The following DMD variants were observed in gnomAD, a reference collection of about 807,000 sequenced individuals.
DMD encodes the protein dystrophin.
DMD carries 63 observed loss-of-function variants against 330.1 expected under a neutral mutation model. The ratio of observed to expected loss-of-function variants is 0.19; its 90% CI spans 0.16 to 0.24. The LOEUF (loss-of-function observed/expected upper bound fraction) is 0.24. DMD is among the 10% of genes least tolerant of loss of function. The probability of loss-of-function intolerance (pLI) is 1.00; values close to 1 mark genes in which losing one functional copy is unlikely to be tolerated. For missense variants in DMD, 3,344 were observed against 2,684.1 expected, an observed-to-expected ratio of 1.25 and a Z score of -5.43; for synonymous variants, 1,223 against 959.8, an observed-to-expected ratio of 1.27 and a Z score of -5.07.
At chrX:31,556,973 C>T (rs1002668472) in intron 55 of DMD, among the ~76,000 whole-genome samples, 1 of 112,209 alleles carries the variant, frequency 8.9e-6, no homozygotes, top group Non-Finnish European at 1.9e-5. Context: ...CTGCTAGATA[C>T]TGCAGGGGGC....
chrX:31,700,007 G>A, intron 52 of DMD, among the ~76,000 whole-genome samples: 1 of 110,733 alleles, frequency 9.0e-6, no homozygotes, highest in South Asian at 3.9e-4. Flanking sequence ...CCAAGATGGT[G>A]AAACCCTGTC....
chrX:33,188,782 A>G (rs2050386664), intron 1 of DMD, among the ~76,000 whole-genome samples: 1 of 111,565 alleles, frequency 9.0e-6, no homozygotes, highest in South Asian at 3.7e-4. Flanking sequence ...GTCTTTAAAG[A>G]GGTATTTAAG....
At chrX:32,512,785 G>A (rs1339132816) in intron 18 of DMD, among the ~76,000 whole-genome samples, 1 of 112,005 alleles carries the variant, frequency 8.9e-6, no homozygotes, top group Admixed American at 9.4e-5. Context: ...GCATCACAGG[G>A]AACTATGGGG....
At chrX:32,400,119 T>C (rs1158052426) in intron 30 of DMD, among the ~76,000 whole-genome samples, 7 of 111,769 alleles carry the variant, frequency 6.3e-5, no homozygotes, top group Non-Finnish European at 1.1e-4. Context: ...CTTATTATTT[T>C]GAAATACGTC....
At chrX:33,233,921 G>C (rs1397607811) in intron 1 of DMD, among the ~76,000 whole-genome samples, 1 of 112,238 alleles carries the variant, frequency 8.9e-6, no homozygotes, top group Non-Finnish European at 1.9e-5. Flanking sequence ...AAGCCACACA[G>C]GATATTTCAC....
intron 7 of DMD, among the ~76,000 whole-genome samples, chrX:32,788,486 T>C (rs1048013085): frequency 1.8e-5 from 2 of 112,091 alleles, no homozygotes; most frequent in African/African-American, 6.5e-5. Context: ...TCTATGACAG[T>C]GTATCTCCTG....
intron 21 of DMD, among the ~76,000 whole-genome samples, chrX:32,474,356 A>T (rs2041003402): frequency 9.0e-6 from 1 of 111,127 alleles, no homozygotes; most frequent in Non-Finnish European, 1.9e-5. Context: ...TTGAATAATG[A>T]CTTTTTTTCC....
intron 18 of DMD, among the ~76,000 whole-genome samples, chrX:32,514,654 C>G (rs775959515): frequency 5.4e-5 from 6 of 112,072 alleles, no homozygotes; most frequent in Non-Finnish European, 1.1e-4. Context: ...GGCAGGAGAA[C>G]GGCGTGAACC....
chrX:32,332,785 C>T (rs1327761271), intron 41 of DMD, among the ~76,000 whole-genome samples: 2 of 110,769 alleles, frequency 1.8e-5, no homozygotes, highest in African/African-American at 6.5e-5. Context: ...TTATATTTTT[C>T]AAATGTTGTC....
intron 51 of DMD, among the ~76,000 whole-genome samples, chrX:31,764,257 G>A (rs180775446): frequency 9.9e-5 from 11 of 111,168 alleles, no homozygotes; most frequent in Non-Finnish European, 1.1e-4. Flanking sequence ...TCCAACTACT[G>A]ATCTTTGCCC....
At chrX:32,417,380 A>C (rs183740808) in intron 29 of DMD, among the ~76,000 whole-genome samples, 76 of 111,154 alleles carry the variant, frequency 6.8e-4, no homozygotes, top group Non-Finnish European at 1.3e-3. Flanking sequence ...ATGGTACTTC[A>C]ACCTTTTTGT....
chrX:31,588,601 T>A (rs751954711), intron 55 of DMD, among the ~76,000 whole-genome samples: 9 of 111,592 alleles, frequency 8.1e-5, no homozygotes, highest in African/African-American at 2.3e-4. Flanking sequence ...ACTCTGGAAC[T>A]TTTTTCCTGC....
intron 43 of DMD, among the ~76,000 whole-genome samples, chrX:32,241,477 C>T (rs1397895941): frequency 8.9e-6 from 1 of 112,281 alleles, no homozygotes; most frequent in Non-Finnish European, 1.9e-5. Context: ...TTTTCTTTCA[C>T]GAATGCAAGC....
At position 31,370,258 on chromosome X, in the gene DMD, A is replaced by G. The variant is rs190353387; in HGVS notation, c.9085-21624T>C. On this transcript the variant is annotated intron_variant, in intron 60 of 78. Coordinates refer to ENST00000357033, the MANE Select transcript of DMD (RefSeq NM_004006.3). ...TTTTTCATCCCCTGTTAAGAAGATG[A>G]AAAGATGAGAGAGAAAACATTTGAA... 2.7e-5 allele frequency among the ~76,000 whole-genome samples: 3 copies of G among 111,769 alleles called. No homozygotes were observed. The East Asian group carries it at 8.3e-4, about 31-fold the overall frequency.
In DMD at chrX:32,580,228, G is replaced by T. The variant is rs550494035; in HGVS notation, c.1603-6382C>A. On this transcript the variant is annotated intron_variant, in intron 13 of 78. Transcript: ENST00000357033. ...ATACCTCGCAGACTCTGAGCTCCTT[G>T]AGGTGGGCTCCTTACCTTTGAGGTT... Among the ~76,000 whole-genome samples the T allele has an allele frequency of 2.7e-5, 3 of 111,284 alleles. No homozygotes were observed. The South Asian group carries it at 1.1e-3, about 42-fold the overall frequency.
intron 6 of DMD, among the ~76,000 whole-genome samples, chrX:32,810,377 C>A (rs1383766663): frequency 9.0e-6 from 1 of 111,128 alleles, no homozygotes; most frequent in Non-Finnish European, 1.9e-5. Context: ...TTCTTCTAAA[C>A]ACTCATTATC....
intron 12 of DMD, among the ~76,000 whole-genome samples, chrX:32,597,302 T>C (rs2055670920): frequency 9.0e-6 from 1 of 111,490 alleles, no homozygotes; most frequent in Admixed American, 9.6e-5. Flanking sequence ...AGTCCTTTTG[T>C]CTCTACTTAC....
rs924792566 is a variant in DMD at position 32,273,731 on chromosome X, T to C, written c.6290+13798A>G. On this transcript the variant is annotated intron_variant, in intron 43 of 78. Coordinates refer to ENST00000357033, the MANE Select transcript of DMD (RefSeq NM_004006.3). ...CATCCTTCTTGGAATGTGGATGTCA[T>C]GAGAGCTCCATCTTGCAACATGTGG... Among the ~76,000 whole-genome samples the C allele has an allele frequency of 1.0e-3, 117 of 111,980 alleles. 1 individual carries two copies. Among genetic ancestry groups the C allele is most frequent in the Middle Eastern group, 4.6e-3 (1 of 218 alleles).
At chrX:32,585,413 G>A (rs1284948863) in intron 13 of DMD, among the ~76,000 whole-genome samples, 2 of 110,836 alleles carry the variant, frequency 1.8e-5, no homozygotes, top group African/African-American at 6.5e-5. Context: ...AATATTATTG[G>A]CCGGGTGGCC....
Sources: allele counts gnomAD v4.1 joint callset (sites outside exome capture counted in the v4.1 genomes callset), GRCh38; gene constraint gnomAD v4.1.1; transcripts MANE v1.5; gene names NCBI Gene and HGNC (gene_info 2026-07-23, HGNC 2026-07-21).